HMG20A: variants seen among roughly 807,000 people sequenced by gnomAD.
HMG20A encodes high mobility group protein 20A.
In HMG20A, 17 loss-of-function variants were observed where a neutral mutation model predicts 43.9. The ratio of observed to expected loss-of-function variants is 0.39; its 90% CI spans 0.27 to 0.58. The LOEUF is 0.58. Ranked by LOEUF, HMG20A falls within the 20% of genes least tolerant of loss-of-function variation. HMG20A has a pLI of 0.59. For synonymous variants in HMG20A, 132 were observed against 147.5 expected (o/e 0.89, Z 0.76); for missense variants, 341 against 438.2 (o/e 0.78, Z 1.98).
At chr15:77,508,081 A>G in the HMG20A span, among the ~76,000 whole-genome samples, 2 of 152,156 alleles carry the variant, frequency 1.3e-5, no homozygotes, top group Admixed American at 6.5e-5. Context: ...GTTTTCCTCT[A>G]ATAACAATGA....
At chr15:77,439,349 G>A (rs142843031) in intron 1 of HMG20A, among the ~76,000 whole-genome samples, 5 of 152,194 alleles carry the variant, frequency 3.3e-5, no homozygotes, top group African/African-American at 7.2e-5. Flanking sequence ...AGATATATAT[G>A]TGCCTGTGAA....
the HMG20A span, among the ~76,000 whole-genome samples, chr15:77,510,138 G>T: frequency 5.3e-5 from 8 of 152,162 alleles, no homozygotes; most frequent in Non-Finnish European, 1.0e-4. Context: ...CCTTGGTGGG[G>T]CTTGTGACCC....
At chr15:77,435,417 G>A (rs1425822631) in intron 1 of HMG20A, among the ~76,000 whole-genome samples, 3 of 152,106 alleles carry the variant, frequency 2.0e-5, no homozygotes, top group African/African-American at 7.2e-5. Flanking sequence ...CCAAGTTGCT[G>A]GGACTACAGA....
At chr15:77,446,598 G>A (rs1229889084) in intron 1 of HMG20A, among the ~76,000 whole-genome samples, 17 of 152,118 alleles carry the variant, frequency 1.1e-4, no homozygotes, top group Non-Finnish European at 1.9e-4. Flanking sequence ...ACAAGGTCAG[G>A]AGATCGAGAC....
At chr15:77,478,149 A>C (rs2072873092) in intron 7 of HMG20A, 146 bp from the exon 8 acceptor site, 3 of 689,520 alleles carry the variant, frequency 4.4e-6, no homozygotes, top group Non-Finnish European at 7.6e-6. Flanking sequence ...TGAAATTGCT[A>C]TCTGGAATGC....
At position 77,420,961 on chromosome 15, in the gene HMG20A, CTTT is replaced by C; in HGVS notation, c.-47_-45del. ...AGGGAATTGTCCTCTGTGGAAGGGA[CTTT>C]CTTTTGGCCCTAGGCCCCTTCCTGC... On this transcript the variant is annotated 5_prime_UTR_variant, in exon 1 of 10. Transcript: ENST00000336216. The C allele has an allele frequency of 5.0e-6, 2 of 398,712 alleles. No homozygotes were observed. The highest frequency in any genetic ancestry group is 8.8e-6 in the Non-Finnish European group (2 of 226,096). The allele number at this position is 398,712 out of a possible 1,614,324, so 24.7% of individuals were successfully genotyped here. A position where few individuals can be genotyped will look rare whatever the true frequency, so the allele number is the denominator to read the frequency against.
chr15:77,494,070 T>A, the HMG20A span, among the ~76,000 whole-genome samples: 15 of 152,340 alleles, frequency 9.8e-5, no homozygotes, highest in East Asian at 2.7e-3. Flanking sequence ...AGTCAAACCC[T>A]ACCAACTGCA....
At chr15:77,456,205 C>T (rs2072652630) in intron 1 of HMG20A, among the ~76,000 whole-genome samples, 1 of 152,132 alleles carries the variant, frequency 6.6e-6, no homozygotes, top group African/African-American at 2.4e-5. Flanking sequence ...TCAGAAATGA[C>T]TAAAGATATC....
chr15:77,432,767 A>ACAAGAC (rs1385378749), intron 1 of HMG20A, among the ~76,000 whole-genome samples: 1 of 151,906 alleles, frequency 6.6e-6, no homozygotes, highest in Admixed American at 6.6e-5. Flanking sequence ...TTAGGAAATA[A>ACAAGAC]CAAGACCAAA....
chr15:77,434,547 A>G (rs376089398), intron 1 of HMG20A, among the ~76,000 whole-genome samples: 2 of 152,166 alleles, frequency 1.3e-5, no homozygotes, highest in South Asian at 2.1e-4. Context: ...CAAATAATCA[A>G]ATTTTGAAAA....
chr15:77,457,302 A>G (rs1040593171), intron 1 of HMG20A, among the ~76,000 whole-genome samples: 4 of 152,148 alleles, frequency 2.6e-5, no homozygotes, highest in Non-Finnish European at 5.9e-5. Flanking sequence ...CTGTTTCACC[A>G]GGTCTCCTTA....
intron 1 of HMG20A, among the ~76,000 whole-genome samples, chr15:77,454,071 G>A (rs2072632072): frequency 6.6e-6 from 1 of 151,166 alleles, no homozygotes; most frequent in Admixed American, 6.6e-5. Flanking sequence ...CTGAGGCAGA[G>A]AGATCACTTG....
rs1438421584 is a variant in HMG20A, at chr15:77,484,280, AAG to A, written c.*1322_*1323del. 6.6e-6 allele frequency: 1 copy of A among 152,368 alleles called. No homozygotes were observed. The highest frequency in any genetic ancestry group is 2.4e-5 in the African/African-American group (1 of 41,396). 9.4% of individuals were successfully genotyped at this position (152,368 alleles called of 1,614,324 possible). On this transcript the variant is annotated 3_prime_UTR_variant, in exon 10 of 10. Transcript: ENST00000336216. Reference sequence around the variant, plus strand: ...TCTGGTTCCTTTAACAGCAAAAGGAAAGAGAGGTTCTGATTCTTACCTCAGGG... The same window carrying A: ...TCTGGTTCCTTTAACAGCAAAAGGAAAGAGGTTCTGATTCTTACCTCAGGG...
Position 77,476,436 on chromosome 15 carries a change from G to A in HMG20A, c.616-1119G>A, listed in dbSNP as rs928396794. ...GGAGACAGAGGTTGCAGTGAGCTGA[G>A]ATCGTGCCACTGTACTCCACCCTGG... On this transcript the variant is annotated intron_variant, in intron 6 of 9. Transcript: ENST00000336216. Among the ~76,000 whole-genome samples the A allele has an allele frequency of 1.2e-4, 16 of 135,394 alleles. No individual in the cohort carries two copies. In the Admixed American group the frequency reaches 1.3e-3, roughly 11 times the overall value. 88.8% of individuals were successfully genotyped at this position (135,394 alleles called of 152,430 possible).
At chr15:77,461,442 A>G (rs1362083603) in intron 2 of HMG20A, among the ~76,000 whole-genome samples, 1 of 152,182 alleles carries the variant, frequency 6.6e-6, no homozygotes, top group Non-Finnish European at 1.5e-5. Context: ...CTGTAGAGAG[A>G]AAAGAATTGG....
chr15:77,434,342 C>A (rs938669941), intron 1 of HMG20A, among the ~76,000 whole-genome samples: 13 of 128,344 alleles, frequency 1.0e-4, no homozygotes, highest in East Asian at 4.0e-4. Flanking sequence ...TTAAAAACTT[C>A]ATAAACTCAT....
intron 3 of HMG20A, among the ~76,000 whole-genome samples, chr15:77,465,403 T>TTG (rs1289487399): frequency 2.7e-5 from 4 of 150,530 alleles, no homozygotes; most frequent in Admixed American, 6.6e-5. Context: ...GTTTTTTGTT[T>TTG]TTTTTTTTTT....
chr15:77,433,977 A>G (rs1213295933), intron 1 of HMG20A, among the ~76,000 whole-genome samples: 2 of 152,254 alleles, frequency 1.3e-5, no homozygotes, highest in Non-Finnish European at 2.9e-5. Context: ...ACTTTATCAG[A>G]TAACAGGATT....
At chr15:77,497,233 A>C in the HMG20A span, among the ~76,000 whole-genome samples, 20 of 152,352 alleles carry the variant, frequency 1.3e-4, no homozygotes, top group South Asian at 1.2e-3. Flanking sequence ...ATAAAACCCC[A>C]GCCTCCCACA....
Sources: allele counts gnomAD v4.1 joint callset (sites outside exome capture counted in the v4.1 genomes callset), GRCh38; gene constraint gnomAD v4.1.1; transcripts MANE v1.5; gene names NCBI Gene and HGNC (gene_info 2026-07-23, HGNC 2026-07-21).